The following GSAP variants were observed in gnomAD, a reference collection of about 807,000 sequenced individuals.
GSAP encodes the protein gamma-secretase-activating protein.
In GSAP, 118 loss-of-function variants were observed where a neutral mutation model predicts 131.7. The observed-to-expected ratio is 0.90, with a 90% confidence interval of 0.77 to 1.04. The LOEUF is 1.04. GSAP is among the 50% of genes least tolerant of loss of function. The probability of loss-of-function intolerance (pLI) is 0.00; values close to 1 mark genes in which losing one functional copy is unlikely to be tolerated. For synonymous variants in GSAP, 381 were observed against 363.4 expected (o/e 1.05, Z -0.55); for missense variants, 1,019 against 1,013.2 (o/e 1.01, Z -0.08).
In GSAP at chr7:77,413,268, A is replaced by G. The variant is rs564513747; in HGVS notation, c.109+2945T>C. 6.2e-4 allele frequency among the ~76,000 whole-genome samples: 95 copies of G among 152,326 alleles called. 1 individual carries two copies. In the South Asian group the frequency reaches 0.019, roughly 31 times the overall value. The stretch of plus-strand genomic sequence containing the variant: ...CTCAAAGAGGAAGCTTCGGAACTGA[A>G]ATGGAGTTGTCCCATGTTCAGTCAA... On this transcript the variant is annotated intron_variant, in intron 1 of 30. Transcript: ENST00000257626.
chr7:77,388,874 G>A (rs1202090363), intron 5 of GSAP, among the ~76,000 whole-genome samples: 6 of 152,162 alleles, frequency 3.9e-5, no homozygotes, highest in Admixed American at 3.9e-4. Flanking sequence ...GACAGTAAGT[G>A]AGTTATTATA....
chr7:77,414,201 G>A (rs1457738289), intron 1 of GSAP, among the ~76,000 whole-genome samples: 2 of 152,186 alleles, frequency 1.3e-5, no homozygotes, highest in Non-Finnish European at 2.9e-5. Flanking sequence ...AATTCAGAAA[G>A]CAAGTATGCA....
At chr7:77,408,590 A>G (rs1255710388) in intron 1 of GSAP, among the ~76,000 whole-genome samples, 1 of 149,808 alleles carries the variant, frequency 6.7e-6, no homozygotes, top group Non-Finnish European at 1.5e-5. Flanking sequence ...AATCCCAGCT[A>G]CTCAGGAGGC....
chr7:77,387,324 T>A, intron 6 of GSAP, 36 bp downstream of exon 6: 1 of 1,037,522 alleles, frequency 9.6e-7, no homozygotes, highest in Non-Finnish European at 1.5e-6. Context: ...TGCCTTTTGA[T>A]TAATGAGATA....
In GSAP at chr7:77,360,915, A is replaced by C. The variant is rs377704658; in HGVS notation, c.950-14T>G. Reference sequence around the variant, plus strand: ...TCTTGCTGTGTCCTGCAAAGAGAGAATATGAAGCCAGAGAATGTTAAACAA... The same window carrying C: ...TCTTGCTGTGTCCTGCAAAGAGAGACTATGAAGCCAGAGAATGTTAAACAA... On this transcript the variant is annotated splice_polypyrimidine_tract_variant and intron_variant, in intron 13 of 30. Coordinates refer to ENST00000257626, the MANE Select transcript of GSAP (RefSeq NM_017439.4). 3.2e-5 allele frequency: 47 copies of C among 1,486,696 alleles called. No individual in the cohort carries two copies. Among genetic ancestry groups the C allele is most frequent in the Non-Finnish European group, 4.2e-5 (45 of 1,064,864 alleles). The allele number at this position is 1,486,696 out of a possible 1,614,324, so 92.1% of individuals were successfully genotyped here. A position where few individuals can be genotyped will look rare whatever the true frequency, so the allele number is the denominator to read the frequency against.
intron 19 of GSAP, among the ~76,000 whole-genome samples, chr7:77,336,430 A>G (rs1395327027): frequency 6.6e-6 from 1 of 152,130 alleles, no homozygotes; most frequent in Non-Finnish European, 1.5e-5. Context: ...TAGGCTGAAG[A>G]CACCTCCATT....
chr7:77,393,103 A>G (rs1799839419), intron 5 of GSAP, among the ~76,000 whole-genome samples: 1 of 152,156 alleles, frequency 6.6e-6, no homozygotes, highest in East Asian at 1.9e-4. Flanking sequence ...AAGTATGTGG[A>G]TCAAAGAACC....
In GSAP at chr7:77,416,253, C is replaced by A; in HGVS notation, c.69G>T (p.Arg23=). 6.7e-7 allele frequency: 1 copy of A among 1,494,724 alleles called. No homozygotes were observed. Among genetic ancestry groups the A allele is most frequent in the Non-Finnish European group, 8.9e-7 (1 of 1,124,208 alleles). The allele number at this position is 1,494,724 out of a possible 1,614,324, so 92.6% of individuals were successfully genotyped here. A position where few individuals can be genotyped will look rare whatever the true frequency, so the allele number is the denominator to read the frequency against. Residue 23 remains arginine (R), a synonymous_variant, in exon 1 of 31, where the codon CGG becomes CGT. Coordinates refer to ENST00000257626, the MANE Select transcript of GSAP (RefSeq NM_017439.4). ...KDVLPWLRAQ[R]AVSEASGAGS... is the part of the protein sequence containing the mutation. Reference sequence around the variant, plus strand: ...CGGCCCCGCTGGCCTCCGACACTGCCCGCTGCGCCCGCAACCACGGGAGCA... The same window carrying A: ...CGGCCCCGCTGGCCTCCGACACTGCACGCTGCGCCCGCAACCACGGGAGCA...
chr7:77,325,584 T>C (rs1036817029), intron 23 of GSAP, among the ~76,000 whole-genome samples: 3 of 152,250 alleles, frequency 2.0e-5, no homozygotes, highest in African/African-American at 7.2e-5. Context: ...TTTGTGTTGT[T>C]TTCTGAGACG....
At chr7:77,362,804 C>T in intron 12 of GSAP, 144 bp from the exon 13 acceptor site, 1 of 593,248 alleles carries the variant, frequency 1.7e-6, no homozygotes, top group South Asian at 2.3e-5. Context: ...TAGAAGTGGT[C>T]TATTAACAAG....
rs1334426104 is a variant in GSAP, at chr7:77,397,430, A to G, written c.244-15T>C. 6 of 1,395,118 alleles carry G rather than the reference A, an allele frequency of 4.3e-6. No homozygotes were observed. Among genetic ancestry groups the G allele is most frequent in the Middle Eastern group, 1.9e-4 (1 of 5,292 alleles). The allele number at this position is 1,395,118 out of a possible 1,614,324, so 86.4% of individuals were successfully genotyped here. A position where few individuals can be genotyped will look rare whatever the true frequency, so the allele number is the denominator to read the frequency against. Reference sequence around the variant, plus strand: ...GTATATAGAAGCTATTAAAACAAAAATATTTTTTAATTTGAAGTTTCATAC... The same window carrying G: ...GTATATAGAAGCTATTAAAACAAAAGTATTTTTTAATTTGAAGTTTCATAC... On this transcript the variant is annotated splice_polypyrimidine_tract_variant and intron_variant, in intron 3 of 30. Coordinates refer to ENST00000257626, the MANE Select transcript of GSAP (RefSeq NM_017439.4).
At chr7:77,359,077 CT>C (rs1432762414) in intron 14 of GSAP, among the ~76,000 whole-genome samples, 11 of 152,080 alleles carry the variant, frequency 7.2e-5, no homozygotes, top group African/African-American at 2.7e-4. Flanking sequence ...ATCCCAGCTA[CT>C]TGGGAGGCTG....
At chr7:77,311,473 A>G (rs1794343561) in intron 30 of GSAP, 24 bp from the exon 31 acceptor site, 1 of 1,240,890 alleles carries the variant, frequency 8.1e-7, no homozygotes, top group Non-Finnish European at 1.2e-6. Context: ...GGGAGAGGGC[A>G]GGGAAAAAGG....
At chr7:77,394,032 C>T (rs545599918) in intron 5 of GSAP, among the ~76,000 whole-genome samples, 2 of 152,314 alleles carry the variant, frequency 1.3e-5, no homozygotes, top group African/African-American at 4.8e-5. Flanking sequence ...CCACTTAGCC[C>T]TTGCTTCACT....
chr7:77,328,382 TC>T (rs1201425014), intron 22 of GSAP: 22 of 1,280,002 alleles, frequency 1.7e-5, no homozygotes, highest in Non-Finnish European at 2.1e-5. Context: ...ACCCAGGGAC[TC>T]CCATCGCAAA....
At chr7:77,394,025 C>T (rs1173116335) in intron 5 of GSAP, among the ~76,000 whole-genome samples, 1 of 152,186 alleles carries the variant, frequency 6.6e-6, no homozygotes, top group Non-Finnish European at 1.5e-5. Flanking sequence ...AACACAGCCA[C>T]TTAGCCCTTG....
chr7:77,392,796 C>T (rs1416099308), intron 5 of GSAP, among the ~76,000 whole-genome samples: 2 of 152,114 alleles, frequency 1.3e-5, no homozygotes, highest in South Asian at 2.1e-4. Context: ...GCTCTTGAAC[C>T]GAATCACAGC....
At chr7:77,332,700 T>C (rs1431446232) in intron 19 of GSAP, among the ~76,000 whole-genome samples, 1 of 152,180 alleles carries the variant, frequency 6.6e-6, no homozygotes, top group Admixed American at 6.5e-5. Flanking sequence ...AAGTAAGAAA[T>C]ACTGTTAGCC....
intron 13 of GSAP, among the ~76,000 whole-genome samples, chr7:77,361,377 C>G (rs796129085): frequency 2.0e-5 from 3 of 152,302 alleles, no homozygotes; most frequent in Admixed American, 6.5e-5. Context: ...CTTTCTAACT[C>G]TTAATCTTCA....
Sources: gnomAD v4.1 joint callset for allele counts (sites outside exome capture counted in the v4.1 genomes callset) on GRCh38, gnomAD v4.1.1 for gene constraint, MANE v1.5 for transcripts, NCBI Gene and HGNC (gene_info 2026-07-23, HGNC 2026-07-21) for gene names.